Variants in RBM26 observed in about 807,000 individuals in gnomAD.
RBM26 encodes the protein RNA-binding protein 26.
Under a neutral mutation model 123.6 loss-of-function variants are expected in RBM26, and 30 were observed. The observed-to-expected ratio is 0.24, with a 90% CI of 0.18 to 0.33. The LOEUF is 0.33. RBM26 is among the 10% of genes least tolerant of loss of function. The pLI is 1.00. For synonymous variants in RBM26, 400 were observed against 404.4 expected (o/e 0.99, Z 0.13); for missense variants, 947 against 1,203.6 (o/e 0.79, Z 3.15).
chr13:79,328,525 A>G (rs2068780084), intron 20 of RBM26, among the ~76,000 whole-genome samples: 1 of 151,558 alleles, frequency 6.6e-6, no homozygotes, highest in Non-Finnish European at 1.5e-5. Flanking sequence ...AACAAGGGAA[A>G]ATGTTTCTTA....
rs1170215861 is a variant in RBM26 at position 79,366,118 on chromosome 13, T to C, written c.1213A>G (p.Thr405Ala). 1 of 1,613,948 alleles carries C rather than the reference T, an allele frequency of 6.2e-7. No homozygotes were observed. The highest frequency in any genetic ancestry group is 1.1e-5 in the South Asian group (1 of 91,072). The change falls in exon 8 of 22, where the codon ACT becomes GCT. Residue 405 changes from threonine (T) to alanine (A), a missense_variant. Thr to Ala is a moderately conservative substitution (Grantham distance 58). This residue lies in a region of RBM26 where 493 missense variants were observed against 563.1 expected (regional missense o/e 0.88). Coordinates refer to ENST00000438737, the MANE Select transcript of RBM26 (RefSeq NM_001366735.2). Reference protein sequence around the residue: ...PPNSATSSVPTVVTTGIHHQP... With the variant: ...PPNSATSSVPAVVTTGIHHQP... The stretch of plus-strand genomic sequence containing the variant: ...TGATGAATGCCAGTTGTTACTACAG[T>C]AGGAACAGAACTGGTTGCAGAGTTT...
At position 79,405,830 on chromosome 13, in the gene RBM26, A is replaced by T; in HGVS notation, c.-56T>A. The T allele has an allele frequency of 8.5e-7, 1 of 1,180,790 alleles. No homozygotes were observed. The highest frequency in any genetic ancestry group is 1.2e-6 in the Non-Finnish European group (1 of 861,958). The allele number at this position is 1,180,790 out of a possible 1,614,324, so 73.1% of individuals were successfully genotyped here. A position where few individuals can be genotyped will look rare whatever the true frequency, so the allele number is the denominator to read the frequency against. Reference sequence around the variant, plus strand: ...TCCGCCCGCCCAGGTCGCGGCCGCTACAGCCGCCGCTGCCCCCGCCCCCTC... The same window carrying T: ...TCCGCCCGCCCAGGTCGCGGCCGCTTCAGCCGCCGCTGCCCCCGCCCCCTC... On this transcript the variant is annotated 5_prime_UTR_variant, in exon 1 of 22. Coordinates refer to ENST00000438737, the MANE Select transcript of RBM26 (RefSeq NM_001366735.2).
intron 5 of RBM26, 90 bp downstream of exon 5, chr13:79,370,855 G>A: frequency 7.4e-7 from 1 of 1,357,644 alleles, no homozygotes; most frequent in Non-Finnish European, 1.0e-6. Flanking sequence ...AGAAAAAAAT[G>A]AAGACAACAC....
Position 79,318,884 on chromosome 13 carries a change from A to T in RBM26, c.*1737T>A. 1 of 980,110 alleles carries T rather than the reference A, an allele frequency of 1.0e-6. No homozygotes were observed. Among genetic ancestry groups the T allele is most frequent in the South Asian group, 4.7e-5 (1 of 21,184 alleles). The allele number at this position is 980,110 out of a possible 1,614,324, so 60.7% of individuals were successfully genotyped here. On this transcript the variant is annotated 3_prime_UTR_variant, in exon 22 of 22. Transcript: ENST00000438737. ...ATTTGGCACCTTTCACGACTACTAA[A>T]AAGAAAAGAAAACAAACTTACCTAA...
At chr13:79,329,868 T>A (rs2069022748) in intron 20 of RBM26, among the ~76,000 whole-genome samples, 1 of 152,158 alleles carries the variant, frequency 6.6e-6, no homozygotes, top group African/African-American at 2.4e-5. Flanking sequence ...TAAGGCTCTA[T>A]CATTCGAAGA....
chr13:79,383,669 G>C (rs1157621799), intron 1 of RBM26, among the ~76,000 whole-genome samples: 1 of 151,882 alleles, frequency 6.6e-6, no homozygotes, highest in Non-Finnish European at 1.5e-5. Flanking sequence ...ATTTACATTG[G>C]GGGGTGGGGG....
chr13:79,369,801 A>G (rs2075694329), intron 5 of RBM26, among the ~76,000 whole-genome samples: 1 of 152,252 alleles, frequency 6.6e-6, no homozygotes, highest in Non-Finnish European at 1.5e-5. Flanking sequence ...TTTGAAGTAT[A>G]ACTGATATAT....
At chr13:79,364,135 T>A (rs2075015081) in intron 9 of RBM26, among the ~76,000 whole-genome samples, 2 of 151,930 alleles carry the variant, frequency 1.3e-5, no homozygotes, top group Admixed American at 1.3e-4. Flanking sequence ...AAATCTTTTT[T>A]CTATTGTTGT....
Position 79,371,050 on chromosome 13 carries a change from G to T in RBM26, c.529C>A (p.Arg177Ser). 6.2e-7 allele frequency: 1 copy of T among 1,613,618 alleles called. No individual in the cohort carries two copies. The highest frequency in any genetic ancestry group is 1.1e-5 in the South Asian group (1 of 91,070). Residue 177 changes from arginine to serine, a missense_variant, in exon 5 of 22, where the codon CGC becomes AGC. Coordinates refer to ENST00000438737, the MANE Select transcript of RBM26 (RefSeq NM_001366735.2). ...DRYNRRRGRSRSYSRSRSRSW... is the reference protein window; with the variant it reads ...DRYNRRRGRSSSYSRSRSRSW... ...CGACTTCGACTCCTGCTATAACTGC[G>T]ACTCCGCCCTCGTCTTCTATTGTAC...
At chr13:79,315,173 A>G (rs2067030501), downstream of RBM26, among the ~76,000 whole-genome samples, 1 of 151,764 alleles carries the variant, frequency 6.6e-6, no homozygotes, top group Non-Finnish European at 1.5e-5. Context: ...TGATTTTACC[A>G]AAACCTCTCT....
At chr13:79,403,615 C>T (rs2079242051) in intron 1 of RBM26, among the ~76,000 whole-genome samples, 1 of 152,178 alleles carries the variant, frequency 6.6e-6, no homozygotes, top group African/African-American at 2.4e-5. Context: ...TTAATATACA[C>T]CCATTATTTT....
chr13:79,378,102 A>G (rs1056492572), intron 2 of RBM26, among the ~76,000 whole-genome samples: 7 of 152,220 alleles, frequency 4.6e-5, no homozygotes, highest in African/African-American at 1.7e-4. Flanking sequence ...AGTCTTCTCC[A>G]CATCGCCTAC....
intron 20 of RBM26, among the ~76,000 whole-genome samples, chr13:79,333,052 G>A (rs1397049900): frequency 6.6e-6 from 1 of 152,070 alleles, no homozygotes; most frequent in East Asian, 1.9e-4. Context: ...TCTAGCAAGA[G>A]ACTAAAAATT....
chr13:79,330,262 C>T (rs1426830951), intron 20 of RBM26, among the ~76,000 whole-genome samples: 1 of 152,030 alleles, frequency 6.6e-6, no homozygotes, highest in East Asian at 1.9e-4. Context: ...ATGGCATATA[C>T]ATAACAGAAA....
chr13:79,333,157 A>G (rs1385798492), intron 20 of RBM26, among the ~76,000 whole-genome samples: 6 of 152,208 alleles, frequency 3.9e-5, no homozygotes, highest in Non-Finnish European at 8.8e-5. Flanking sequence ...ACCTTTTTCA[A>G]TATAACATAC....
rs2076856073 is a variant in RBM26, at chr13:79,378,888, C to T, written c.91G>A (p.Ala31Thr). ...LEPICDADPS[A>T]LAKYVLALVK... ...AAAGCCAGAACATATTTTGCTAGGG[C>T]GGATGGATCTGCATCACAGCTAAAG... The change falls in exon 2 of 22, where the codon GCC (alanine) becomes ACC (threonine). Residue 31 changes from alanine to threonine, a missense_variant. Physicochemically the swap from Ala to Thr is moderately conservative, Grantham distance 58 (BLOSUM62 0). Coordinates refer to ENST00000438737, the MANE Select transcript of RBM26 (RefSeq NM_001366735.2). 1 of 1,610,718 alleles carries T rather than the reference C, an allele frequency of 6.2e-7. No homozygotes were observed. Among genetic ancestry groups the T allele is most frequent in the African/African-American group, 1.3e-5 (1 of 74,698 alleles).
chr13:79,349,159 G>A (rs531941400), intron 14 of RBM26, among the ~76,000 whole-genome samples: 4 of 152,290 alleles, frequency 2.6e-5, no homozygotes, highest in African/African-American at 9.6e-5. Context: ...AAATGGCTAA[G>A]TCAAGCTAAT....
At chr13:79,376,758 C>CT (rs1378926684) in intron 3 of RBM26, 1 of 152,138 alleles carries the variant, frequency 6.6e-6, no homozygotes, top group Non-Finnish European at 1.5e-5. Flanking sequence ...TATTAAGACT[C>CT]TATGTCTGTA....
chr13:79,323,884 T>C (rs1299700122), intron 20 of RBM26, among the ~76,000 whole-genome samples: 1 of 151,790 alleles, frequency 6.6e-6, no homozygotes, highest in African/African-American at 2.4e-5. Flanking sequence ...TTTTGCTTTG[T>C]AAAGATGTAA....
Sources: allele counts gnomAD v4.1 joint callset (sites outside exome capture counted in the v4.1 genomes callset), GRCh38; gene constraint gnomAD v4.1.1; regional missense constraint gnomAD v4.1.1; transcripts MANE v1.5; gene names NCBI Gene and HGNC (gene_info 2026-07-23, HGNC 2026-07-21).